Variants in MYO1D observed in about 807,000 individuals in gnomAD.
MYO1D encodes unconventional myosin-Id.
In MYO1D, 83 loss-of-function variants were observed where a neutral mutation model predicts 122.0. That is an observed-to-expected ratio of 0.68 (90% confidence interval 0.57 to 0.82). MYO1D has a LOEUF of 0.82. Among genes scored for constraint, MYO1D ranks in the 40% least tolerant of loss-of-function variants. The pLI, the probability that MYO1D is intolerant of heterozygous loss-of-function variation, is 0.00. For synonymous variants in MYO1D, 464 were observed against 446.9 expected (o/e 1.04, Z -0.48); for missense variants, 1,157 against 1,269.5 (o/e 0.91, Z 1.35).
chr17:32,551,619 T>C (rs964441524), intron 21 of MYO1D, among the ~76,000 whole-genome samples: 7 of 152,086 alleles, frequency 4.6e-5, no homozygotes, highest in Admixed American at 6.6e-5. Context: ...ATGTGGCTTT[T>C]CCCTTCGGGA....
intron 21 of MYO1D, among the ~76,000 whole-genome samples, chr17:32,531,982 C>T (rs1298165679): frequency 6.6e-6 from 1 of 152,188 alleles, no homozygotes; most frequent in Non-Finnish European, 1.5e-5. Flanking sequence ...ATGGCTACAT[C>T]ATCATCTGGC....
intron 1 of MYO1D, among the ~76,000 whole-genome samples, chr17:32,846,117 G>C (rs562585643): frequency 7.2e-5 from 11 of 152,198 alleles, no homozygotes; most frequent in African/African-American, 2.6e-4. Flanking sequence ...TTTTATTTTG[G>C]TATCTACCCC....
intron 4 of MYO1D, among the ~76,000 whole-genome samples, chr17:32,774,124 C>T (rs1179978444): frequency 6.6e-6 from 1 of 152,180 alleles, no homozygotes; most frequent in African/African-American, 2.4e-5. Context: ...CAGTTTCGTT[C>T]CATGACTAGC....
chr17:32,738,508 G>T, intron 13 of MYO1D, 123 bp from the exon 14 acceptor site: 3 of 992,250 alleles, frequency 3.0e-6, no homozygotes, highest in Non-Finnish European at 4.1e-6. Context: ...AACTCACAAG[G>T]CCTAATTGGA....
chr17:32,745,789 T>C (rs2089830376), intron 12 of MYO1D: 2 of 156,118 alleles, frequency 1.3e-5, no homozygotes, highest in South Asian at 2.0e-4. Context: ...GGCACATGCA[T>C]GGTGCTCTGG....
intron 1 of MYO1D, among the ~76,000 whole-genome samples, chr17:32,789,408 A>C (rs1421283758): frequency 6.6e-6 from 1 of 152,220 alleles, no homozygotes; most frequent in Non-Finnish European, 1.5e-5. Flanking sequence ...TGAGTCTGTC[A>C]CAGATGTGAG....
At chr17:32,795,517 G>A (rs1046361986) in intron 1 of MYO1D, among the ~76,000 whole-genome samples, 15 of 151,424 alleles carry the variant, frequency 9.9e-5, no homozygotes, top group Admixed American at 6.6e-4. Context: ...CCCATAAAAC[G>A]TTAACTACTA....
intron 21 of MYO1D, among the ~76,000 whole-genome samples, chr17:32,585,149 A>AT (rs894565196): frequency 3.3e-5 from 5 of 149,868 alleles, no homozygotes; most frequent in African/African-American, 4.9e-5. Context: ...TTGTTCTCTC[A>AT]TTTTTTTTTC....
At chr17:32,725,941 C>A (rs2089567122) in intron 14 of MYO1D, among the ~76,000 whole-genome samples, 1 of 152,312 alleles carries the variant, frequency 6.6e-6, no homozygotes, top group East Asian at 1.9e-4. Context: ...GACAAAGGAA[C>A]ACTATCTTTG....
chr17:32,577,529 C>T (rs543910750), intron 21 of MYO1D, among the ~76,000 whole-genome samples: 1 of 152,062 alleles, frequency 6.6e-6, no homozygotes, highest in East Asian at 1.9e-4. Flanking sequence ...TTTCCTTTTG[C>T]AGAAAGGATG....
At chr17:32,732,804 AAG>A (rs2150999373) in intron 14 of MYO1D, among the ~76,000 whole-genome samples, 1 of 152,318 alleles carries the variant, frequency 6.6e-6, no homozygotes, top group African/African-American at 2.4e-5. Flanking sequence ...ACGAGGAGTG[AAG>A]AGAGAAGGAG....
At chr17:32,772,118 G>C (rs2090119132) in intron 5 of MYO1D, among the ~76,000 whole-genome samples, 1 of 152,152 alleles carries the variant, frequency 6.6e-6, no homozygotes, top group Admixed American at 6.5e-5. Flanking sequence ...TCACCGTTCA[G>C]TTACTTTCTG....
intron 19 of MYO1D, among the ~76,000 whole-genome samples, chr17:32,642,335 C>G (rs1190439270): frequency 6.6e-6 from 1 of 152,132 alleles, no homozygotes; most frequent in Non-Finnish European, 1.5e-5. Flanking sequence ...TTACTGTAGC[C>G]TTGTAGTATA....
intron 1 of MYO1D, among the ~76,000 whole-genome samples, chr17:32,849,623 T>C (rs139786590): frequency 0.051 from 7,242 of 141,328 alleles, 578 homozygotes; most frequent in African/African-American, 0.18. Context: ...TGAGATCACA[T>C]GGACACAGGA....
Position 32,653,852 on chromosome 17 carries a change from G to A in MYO1D, c.2586C>T (p.His862=), listed in dbSNP as rs368504354. ...TTTAAGCTTGCCTTACCTTACGGAC[G>A]TGACAGGAAAAGAGGACATTCATGT... ...DKYMNVLFSC[H]VRKVNRFSKV... Residue 862 remains histidine (H), a synonymous_variant, in exon 19 of 22, where the codon CAC becomes CAT. Coordinates refer to ENST00000318217, the MANE Select transcript of MYO1D (RefSeq NM_015194.3). The A allele has an allele frequency of 6.8e-6, 11 of 1,612,990 alleles. No individual in the cohort carries two copies. Among genetic ancestry groups the A allele is most frequent in the East Asian group, 2.2e-5 (1 of 44,842 alleles).
chr17:32,814,724 T>C (rs991253871), intron 1 of MYO1D, among the ~76,000 whole-genome samples: 2 of 152,244 alleles, frequency 1.3e-5, no homozygotes, highest in Non-Finnish European at 2.9e-5. Flanking sequence ...AGAAGTTGCC[T>C]AGAATAATGC....
intron 16 of MYO1D, among the ~76,000 whole-genome samples, chr17:32,677,443 C>T (rs1040018767): frequency 1.3e-5 from 2 of 151,862 alleles, no homozygotes; most frequent in African/African-American, 4.8e-5. Flanking sequence ...AGAAATGTTC[C>T]ATGTGAGTGG....
chr17:32,635,103 T>C (rs1281302655), intron 20 of MYO1D, among the ~76,000 whole-genome samples: 2 of 152,224 alleles, frequency 1.3e-5, no homozygotes, highest in African/African-American at 4.8e-5. Flanking sequence ...CGAGGCCTCA[T>C]CTGAGACACT....
intron 17 of MYO1D, among the ~76,000 whole-genome samples, chr17:32,655,641 G>A (rs534965099): frequency 1.8e-4 from 28 of 152,300 alleles, no homozygotes; most frequent in Non-Finnish European, 2.9e-5. Flanking sequence ...CGTCAGAGGA[G>A]CAGTGTAAGG....
Sources: gnomAD v4.1 joint callset for allele counts (sites outside exome capture counted in the v4.1 genomes callset) on GRCh38, gnomAD v4.1.1 for gene constraint, MANE v1.5 for transcripts, NCBI Gene and HGNC (gene_info 2026-07-23, HGNC 2026-07-21) for gene names.